ADAM22: variants seen among roughly 807,000 people sequenced by gnomAD.
The protein encoded by ADAM22 is disintegrin and metalloproteinase domain-containing protein 22.
ADAM22 carries 65 observed loss-of-function variants against 144.6 expected under a neutral mutation model. The ratio of observed to expected loss-of-function variants is 0.45; its 90% CI spans 0.37 to 0.55. The LOEUF is 0.55. Ranked by LOEUF, ADAM22 falls within the 20% of genes least tolerant of loss-of-function variation. The pLI is 0.00. For missense variants in ADAM22, 974 were observed against 1,184.9 expected (o/e 0.82, Z 2.61); for synonymous variants, 391 against 412.6 (o/e 0.95, Z 0.63).
intron 2 of ADAM22, among the ~76,000 whole-genome samples, chr7:87,962,620 CT>C (rs77653493): frequency 5.6e-4 from 81 of 145,212 alleles, no homozygotes; most frequent in Non-Finnish European, 5.6e-4. Flanking sequence ...ATTCTGTGGA[CT>C]TTTTTTTTTT....
At chr7:88,193,441 G>A (rs532844257) in intron 31 of ADAM22, among the ~76,000 whole-genome samples, 1 of 152,094 alleles carries the variant, frequency 6.6e-6, no homozygotes, top group Admixed American at 6.5e-5. Context: ...ATACAGTCTA[G>A]GTACATTTTG....
rs997661138 is a variant in ADAM22, at chr7:88,168,258, T to C, written c.2282+31T>C. The C allele has an allele frequency of 2.5e-6, 4 of 1,569,592 alleles. No individual in the cohort carries two copies. In the South Asian group the frequency reaches 4.5e-5, roughly 17 times the overall value. On this transcript the variant is annotated intron_variant, in intron 25 of 31. Coordinates refer to ENST00000413139, the MANE Select transcript of ADAM22 (RefSeq NM_001324418.2). The stretch of plus-strand genomic sequence containing the variant: ...TGAAATGTCTCAGTCTTGTTACTAT[T>C]GAAATATACTTCTAAACATTTTGAT...
chr7:88,030,839 G>A (rs145580539), intron 3 of ADAM22, among the ~76,000 whole-genome samples: 2,656 of 152,248 alleles, frequency 0.017, 27 homozygotes, highest in South Asian at 0.035. Flanking sequence ...TCTCTCGGCC[G>A]GGCACGGTGG....
intron 31 of ADAM22, among the ~76,000 whole-genome samples, chr7:88,196,252 A>G (rs1439473391): frequency 6.6e-6 from 1 of 152,260 alleles, no homozygotes; most frequent in African/African-American, 2.4e-5. Context: ...TTTTGTATCA[A>G]AAGATGGCTG....
chr7:88,032,576 A>C (rs1800555862), intron 3 of ADAM22, among the ~76,000 whole-genome samples: 1 of 152,200 alleles, frequency 6.6e-6, no homozygotes. Context: ...GGAATGAGTT[A>C]AGACTTTGGG....
chr7:88,059,410 A>G (rs1010333710), intron 3 of ADAM22, among the ~76,000 whole-genome samples: 2 of 152,252 alleles, frequency 1.3e-5, no homozygotes, highest in East Asian at 3.8e-4. Context: ...GAAAATCTTT[A>G]AAGCTCAAAG....
At chr7:88,082,811 T>G (rs1012783180) in intron 4 of ADAM22, among the ~76,000 whole-genome samples, 1 of 152,024 alleles carries the variant, frequency 6.6e-6, no homozygotes, top group African/African-American at 2.4e-5. Context: ...CCAGTTAGAA[T>G]GGCGATCATT....
At position 88,171,577 on chromosome 7, in the gene ADAM22, A is replaced by G. The variant is rs749524076; in HGVS notation, c.2300+16A>G. The G allele has an allele frequency of 6.4e-7, 1 of 1,572,584 alleles. No homozygotes were observed. The highest frequency in any genetic ancestry group is 1.9e-5 in the Admixed American group (1 of 51,488). ...GAGAACAGAGGTATGTAATACAAATAATGTGAACATAAAACTGAAAGGTTT... is the reference window on the plus strand; with the variant it reads ...GAGAACAGAGGTATGTAATACAAATGATGTGAACATAAAACTGAAAGGTTT... On this transcript the variant is annotated intron_variant, in intron 26 of 31. Coordinates refer to ENST00000413139, the MANE Select transcript of ADAM22 (RefSeq NM_001324418.2).
intron 3 of ADAM22, among the ~76,000 whole-genome samples, chr7:88,001,548 T>A (rs1173984255): frequency 1.3e-5 from 2 of 152,050 alleles, no homozygotes; most frequent in East Asian, 3.9e-4. Context: ...TATTTAGAGA[T>A]CTGGTATATC....
chr7:88,191,004 T>C (rs1482822891), intron 30 of ADAM22, among the ~76,000 whole-genome samples: 2 of 151,120 alleles, frequency 1.3e-5, no homozygotes, highest in East Asian at 1.9e-4. Context: ...CCCCCCAAGA[T>C]AATCAATTTT....
At chr7:88,047,418 T>C (rs1279062877) in intron 3 of ADAM22, among the ~76,000 whole-genome samples, 1 of 152,218 alleles carries the variant, frequency 6.6e-6, no homozygotes, top group Non-Finnish European at 1.5e-5. Flanking sequence ...AGATCTTTTC[T>C]TTTCATGGAG....
At chr7:88,078,290 C>T (rs1464944091) in intron 4 of ADAM22, among the ~76,000 whole-genome samples, 1 of 152,200 alleles carries the variant, frequency 6.6e-6, no homozygotes, top group African/African-American at 2.4e-5. Context: ...AGCTGAGGGT[C>T]CTGACTATTA....
intron 3 of ADAM22, among the ~76,000 whole-genome samples, chr7:88,046,332 A>G (rs1466859222): frequency 6.6e-6 from 1 of 151,986 alleles, no homozygotes; most frequent in Non-Finnish European, 1.5e-5. Flanking sequence ...GATGTTGAGT[A>G]TTTTTTCATT....
chr7:88,006,056 T>C (rs566040632), intron 3 of ADAM22, among the ~76,000 whole-genome samples: 1 of 152,238 alleles, frequency 6.6e-6, no homozygotes, highest in Non-Finnish European at 1.5e-5. Flanking sequence ...TATCACTGTC[T>C]AGCTTTTGAA....
At chr7:88,020,342 A>G (rs1410235805) in intron 3 of ADAM22, among the ~76,000 whole-genome samples, 2 of 152,200 alleles carry the variant, frequency 1.3e-5, no homozygotes, top group African/African-American at 4.8e-5. Flanking sequence ...AAGGCCTAAC[A>G]AAATGGGTTT....
chr7:87,992,308 C>T (rs564825662), intron 3 of ADAM22, among the ~76,000 whole-genome samples: 1 of 152,126 alleles, frequency 6.6e-6, no homozygotes, highest in East Asian at 1.9e-4. Flanking sequence ...CTGGGGAGGG[C>T]TGGGAGGCTA....
intron 2 of ADAM22, among the ~76,000 whole-genome samples, chr7:87,953,031 TTTTC>T (rs1293202828): frequency 6.6e-6 from 1 of 151,844 alleles, no homozygotes; most frequent in Non-Finnish European, 1.5e-5. Flanking sequence ...ATTCATCTCT[TTTTC>T]TTTATTAGTC....
chr7:88,044,437 A>T (rs897983235), intron 3 of ADAM22, among the ~76,000 whole-genome samples: 5 of 152,138 alleles, frequency 3.3e-5, no homozygotes, highest in African/African-American at 9.7e-5. Flanking sequence ...TATTAAATTC[A>T]TATAATGGAG....
chr7:87,957,376 A>G (rs995760897), intron 2 of ADAM22, among the ~76,000 whole-genome samples: 5 of 152,206 alleles, frequency 3.3e-5, no homozygotes, highest in Admixed American at 3.3e-4. Context: ...TCAAACATAC[A>G]AAATGGTAGA....
Sources: allele counts gnomAD v4.1 joint callset (sites outside exome capture counted in the v4.1 genomes callset), GRCh38; gene constraint gnomAD v4.1.1; transcripts MANE v1.5; gene names NCBI Gene and HGNC (gene_info 2026-07-23, HGNC 2026-07-21).